DDX10: variants seen among roughly 807,000 people sequenced by gnomAD.
DDX10 encodes the protein DEAD-box helicase 10.
In DDX10, 74 loss-of-function variants were observed where a neutral mutation model predicts 104.3. The observed-to-expected ratio is 0.71, with a 90% CI of 0.59 to 0.86. The LOEUF is 0.86. DDX10 is among the 40% of genes least tolerant of loss of function. The probability of loss-of-function intolerance (pLI) is 0.00; values close to 1 mark genes in which losing one functional copy is unlikely to be tolerated. For missense variants in DDX10, 952 were observed against 1,040.0 expected (o/e 0.92, Z 1.16); for synonymous variants, 351 against 353.4 (o/e 0.99, Z 0.08).
At chr11:108,724,483 G>A (rs1243335409) in intron 13 of DDX10, among the ~76,000 whole-genome samples, 1 of 152,074 alleles carries the variant, frequency 6.6e-6, no homozygotes, top group African/African-American at 2.4e-5. Flanking sequence ...AAATGGCAAA[G>A]CTGGAATTTG....
At chr11:108,925,348 AC>A (rs1863895236) in intron 17 of DDX10, among the ~76,000 whole-genome samples, 1 of 152,142 alleles carries the variant, frequency 6.6e-6, no homozygotes, top group African/African-American at 2.4e-5. Context: ...CATTTAGTCA[AC>A]CATTATATAT....
At chr11:108,878,789 T>C (rs1329570467) in intron 16 of DDX10, among the ~76,000 whole-genome samples, 2 of 14,986 alleles carry the variant, frequency 1.3e-4, no homozygotes, top group Non-Finnish European at 2.3e-3. Context: ...TTAACATAGT[T>C]GTTTTTTTTT....
rs1169412997 is a variant in DDX10, at chr11:108,794,239, GT to G, written c.1966-44196del. Among the ~76,000 whole-genome samples, 37 of 144,274 alleles carry G rather than the reference GT, an allele frequency of 2.6e-4. No homozygotes were observed. In the East Asian group the frequency reaches 2.8e-3, roughly 11 times the overall value. The allele number at this position is 144,274 out of a possible 152,430, so 94.6% of individuals were successfully genotyped here. On this transcript the variant is annotated intron_variant, in intron 13 of 17. Transcript: ENST00000322536. ...GGATCATATGGCAGTTCTATTTTTA[GT>G]TTTTTTTTTTGAGAGATCTCCATAC...
At chr11:108,938,747 G>A (rs890488322) in intron 17 of DDX10, among the ~76,000 whole-genome samples, 2 of 152,168 alleles carry the variant, frequency 1.3e-5, no homozygotes, top group African/African-American at 4.8e-5. Flanking sequence ...CTCCAGTGGT[G>A]AAAGAGAATG....
chr11:108,713,871 A>T (rs1413237941), intron 10 of DDX10, among the ~76,000 whole-genome samples: 2 of 152,266 alleles, frequency 1.3e-5, no homozygotes, highest in African/African-American at 4.8e-5. Flanking sequence ...TTGTGAGCCT[A>T]TGCCTCCGGA....
chr11:108,715,828 G>A (rs1234409688), intron 10 of DDX10, 51 bp from the exon 11 acceptor site: 6 of 912,598 alleles, frequency 6.6e-6, no homozygotes, highest in Non-Finnish European at 1.0e-5. Flanking sequence ...ACTATTTTTA[G>A]TCTCCAAATT....
chr11:108,699,884 G>A (rs1565251185), intron 9 of DDX10, among the ~76,000 whole-genome samples: 2 of 152,200 alleles, frequency 1.3e-5, no homozygotes, highest in Non-Finnish European at 2.9e-5. Context: ...ATTAGGGCAT[G>A]CTCTGGCCCA....
chr11:108,803,259 AT>A (rs5794606), intron 13 of DDX10, among the ~76,000 whole-genome samples: 62 of 146,834 alleles, frequency 4.2e-4, no homozygotes, highest in East Asian at 7.9e-4. Flanking sequence ...CCTAGTAGCA[AT>A]TTTTTTTTTT....
chr11:108,774,888 G>A lies in DDX10; in HGVS notation c.1965+51426G>A, dbSNP rs142693150. Reference sequence around the variant, plus strand: ...TCATTGTTAAGAGATTCCTGTCTCTGCCCTTACTGAGCTTCTAACTTGCTG... The same window carrying A: ...TCATTGTTAAGAGATTCCTGTCTCTACCCTTACTGAGCTTCTAACTTGCTG... On this transcript the variant is annotated intron_variant, in intron 13 of 17. Coordinates refer to ENST00000322536, the MANE Select transcript of DDX10 (RefSeq NM_004398.4). Among the ~76,000 whole-genome samples, 429 of 152,234 alleles carry A rather than the reference G, an allele frequency of 2.8e-3. 2 individuals are homozygous for A. Among genetic ancestry groups the A allele is most frequent in the African/African-American group, 9.0e-3 (373 of 41,540 alleles).
chr11:108,776,999 T>G (rs1262491443), intron 13 of DDX10, among the ~76,000 whole-genome samples: 1 of 152,246 alleles, frequency 6.6e-6, no homozygotes, highest in Non-Finnish European at 1.5e-5. Flanking sequence ...TTGGCCATGC[T>G]GTGCCAGCTT....
chr11:108,926,402 T>C (rs561040313), intron 17 of DDX10, among the ~76,000 whole-genome samples: 2 of 152,302 alleles, frequency 1.3e-5, no homozygotes, highest in Non-Finnish European at 2.9e-5. Flanking sequence ...GAAACACATA[T>C]GTGAAGTAGT....
intron 13 of DDX10, among the ~76,000 whole-genome samples, chr11:108,792,440 C>A (rs1383791222): frequency 6.6e-6 from 1 of 152,154 alleles, no homozygotes; most frequent in African/African-American, 2.4e-5. Context: ...TTGTATATGG[C>A]ATGAGTGAAG....
At chr11:108,799,780 C>A (rs1040182134) in intron 13 of DDX10, among the ~76,000 whole-genome samples, 1 of 152,104 alleles carries the variant, frequency 6.6e-6, no homozygotes, top group Non-Finnish European at 1.5e-5. Context: ...AGAACTTTGT[C>A]TTATTTATTC....
chr11:108,835,363 G>C (rs760654179), intron 13 of DDX10, among the ~76,000 whole-genome samples: 2 of 152,130 alleles, frequency 1.3e-5, no homozygotes, highest in Non-Finnish European at 2.9e-5. Flanking sequence ...GTGGAGTCAC[G>C]GACCCCTGGG....
intron 13 of DDX10, among the ~76,000 whole-genome samples, chr11:108,809,606 A>T (rs1185274198): frequency 2.0e-5 from 3 of 152,164 alleles, no homozygotes; most frequent in Non-Finnish European, 4.4e-5. Flanking sequence ...AATTTGCTTG[A>T]TTCATTCAGA....
intron 13 of DDX10, among the ~76,000 whole-genome samples, chr11:108,773,450 A>G (rs2094365886): frequency 6.6e-6 from 1 of 152,200 alleles, no homozygotes; most frequent in Admixed American, 6.5e-5. Flanking sequence ...TCTTGGAAAT[A>G]ATAAATTTTT....
intron 13 of DDX10, among the ~76,000 whole-genome samples, chr11:108,811,580 A>G (rs1045720200): frequency 1.3e-5 from 2 of 152,240 alleles, no homozygotes; most frequent in Admixed American, 6.5e-5. Flanking sequence ...TTTTAATGTA[A>G]CTATTTGTAT....
At chr11:108,804,361 A>G (rs759596630) in intron 13 of DDX10, among the ~76,000 whole-genome samples, 2 of 151,878 alleles carry the variant, frequency 1.3e-5, no homozygotes, top group African/African-American at 4.8e-5. Flanking sequence ...TTTGCCAGGT[A>G]TGATGGTGTG....
rs1324676746 is a variant in DDX10, at chr11:108,665,089, C to T, written c.-65C>T. 84 of 1,486,200 alleles carry T rather than the reference C, an allele frequency of 5.7e-5. 1 individual carries two copies. The South Asian group carries it at 1.1e-3, about 19-fold the overall frequency. 92.1% of individuals were successfully genotyped at this position (1,486,200 alleles called of 1,614,324 possible). On this transcript the variant is annotated 5_prime_UTR_variant, in exon 1 of 18. Coordinates refer to ENST00000322536, the MANE Select transcript of DDX10 (RefSeq NM_004398.4). ...TCTGTGCGTTTGTCCCATGCTGGTT[C>T]CGTGAGTCTGGCCTTAGGTGTCTCG...
Sources: gnomAD v4.1 joint callset for allele counts (sites outside exome capture counted in the v4.1 genomes callset) on GRCh38, gnomAD v4.1.1 for gene constraint, MANE v1.5 for transcripts, NCBI Gene and HGNC (gene_info 2026-07-23, HGNC 2026-07-21) for gene names.